Variants in ASXL2 observed in about 807,000 individuals in gnomAD.
ASXL2 encodes the protein ASXL transcriptional regulator 2.
A neutral mutation model predicts 122.0 loss-of-function variants in ASXL2; 23 were observed. The observed-to-expected ratio is 0.19, with a 90% confidence interval of 0.14 to 0.27. The LOEUF is 0.27. ASXL2 is among the 10% of genes least tolerant of loss of function. The pLI is 1.00. For synonymous variants in ASXL2, 650 were observed against 637.0 expected, an observed-to-expected ratio of 1.02 and a Z score of -0.31; for missense variants, 1,518 against 1,713.8, an observed-to-expected ratio of 0.89 and a Z score of 2.02.
chr2:25,745,642 T>A (rs1220406506), intron 12 of ASXL2, among the ~76,000 whole-genome samples: 2 of 19,740 alleles, frequency 1.0e-4, no homozygotes, highest in Non-Finnish European at 2.3e-4. Flanking sequence ...GATTTCCTTC[T>A]TTTTTTTTTT....
At chr2:25,764,854 C>T (rs2088315892) in intron 8 of ASXL2, among the ~76,000 whole-genome samples, 1 of 152,150 alleles carries the variant, frequency 6.6e-6, no homozygotes, top group South Asian at 2.1e-4. Context: ...TCTTAAAAGA[C>T]TGGGAAGTAG....
At chr2:25,783,803 G>A (rs937582782) in intron 5 of ASXL2, among the ~76,000 whole-genome samples, 2 of 150,454 alleles carry the variant, frequency 1.3e-5, no homozygotes, top group Admixed American at 6.6e-5. Flanking sequence ...CGACTGTAAT[G>A]CCAGCACTTT....
At chr2:25,806,596 G>C (rs1374492564) in intron 3 of ASXL2, among the ~76,000 whole-genome samples, 2 of 152,082 alleles carry the variant, frequency 1.3e-5, no homozygotes, top group Non-Finnish European at 2.9e-5. Flanking sequence ...GAAAAATACA[G>C]AAGTATTACA....
chr2:25,742,044 G>A lies in ASXL2; in HGVS notation c.4293C>T (p.Cys1431=). The change falls in exon 13 of 13, where the codon TGC becomes TGT. Residue 1431 remains cysteine, a synonymous_variant. Coordinates refer to ENST00000435504, the MANE Select transcript of ASXL2 (RefSeq NM_018263.6). The part of the protein sequence containing the change: ...CIGPSKLCVS[C]LVVR Reference sequence around the variant, plus strand: ...TCTAGTCTCATTACCGAACGACAAGGCAGGAGACGCACAGTTTGGAGGGGC... The same window carrying A: ...TCTAGTCTCATTACCGAACGACAAGACAGGAGACGCACAGTTTGGAGGGGC... The A allele has an allele frequency of 6.2e-7, 1 of 1,612,748 alleles. No individual in the cohort carries two copies.
chr2:25,793,078 T>C (rs1478574384), intron 5 of ASXL2, among the ~76,000 whole-genome samples: 4 of 151,456 alleles, frequency 2.6e-5, no homozygotes, highest in East Asian at 3.9e-4. Context: ...CATGGAGAAA[T>C]TCTGGCTCTA....
chr2:25,878,389 G>A lies in ASXL2; in HGVS notation c.-167C>T. 3.2e-6 allele frequency: 2 copies of A among 617,738 alleles called. No individual in the cohort carries two copies. Among genetic ancestry groups the A allele is most frequent in the South Asian group, 3.9e-5 (2 of 51,628 alleles). The allele number at this position is 617,738 out of a possible 1,614,324, so 38.3% of individuals were successfully genotyped here. A position where few individuals can be genotyped will look rare whatever the true frequency, so the allele number is the denominator to read the frequency against. On this transcript the variant is annotated 5_prime_UTR_variant, in exon 1 of 13. Coordinates refer to ENST00000435504, the MANE Select transcript of ASXL2 (RefSeq NM_018263.6). The stretch of plus-strand genomic sequence containing the variant: ...AGGAAGCGGCGGGGGTGGTGCGCGG[G>A]GGGGTCTATGGGGCGGCCGGTCCTC...
At position 25,792,875 on chromosome 2, in the gene ASXL2, G is replaced by C. The variant is rs181408675; in HGVS notation, c.403+6510C>G. ...CCCTCCTCGGCTTCCCAAAGTACTG[G>C]GATTACAGGCGTGAGCCACCGCACT... On this transcript the variant is annotated intron_variant, in intron 5 of 12. Coordinates refer to ENST00000435504, the MANE Select transcript of ASXL2 (RefSeq NM_018263.6). Among the ~76,000 whole-genome samples, 508 of 151,828 alleles carry C rather than the reference G, an allele frequency of 3.3e-3. 1 individual carries two copies. Among genetic ancestry groups the C allele is most frequent in the Non-Finnish European group, 6.0e-3 (407 of 67,908 alleles).
chr2:25,859,831 T>C (rs1268559353), intron 1 of ASXL2, among the ~76,000 whole-genome samples: 1 of 152,186 alleles, frequency 6.6e-6, no homozygotes, highest in African/African-American at 2.4e-5. Context: ...CCTAAATATT[T>C]GGAAACTAAA....
intron 1 of ASXL2, among the ~76,000 whole-genome samples, chr2:25,864,554 T>C (rs1030934008): frequency 4.6e-5 from 7 of 152,032 alleles, no homozygotes; most frequent in African/African-American, 1.7e-4. Flanking sequence ...AAATGAACTA[T>C]AAAAGGAAGA....
At chr2:25,779,084 A>ATTTTTTTTTTTT (rs33911748) in intron 5 of ASXL2, among the ~76,000 whole-genome samples, 3 of 99,412 alleles carry the variant, frequency 3.0e-5, no homozygotes, top group African/African-American at 7.8e-5. Context: ...CTTTTTTCTG[A>ATTTTTTTTTTTT]TTTTTTTTTT....
intron 1 of ASXL2, chr2:25,856,616 A>G (rs1387106037): frequency 2.4e-6 from 3 of 1,234,932 alleles, no homozygotes; most frequent in Non-Finnish European, 3.6e-6. Context: ...GCCCCACCAC[A>G]AGGTCAGCAA....
chr2:25,763,041 T>A (rs1299571738), intron 8 of ASXL2, among the ~76,000 whole-genome samples: 2 of 152,046 alleles, frequency 1.3e-5, no homozygotes, highest in African/African-American at 4.8e-5. Flanking sequence ...CATGAAAACA[T>A]CCAATATAAA....
At chr2:25,833,521 C>A (rs2089477175) in intron 3 of ASXL2, among the ~76,000 whole-genome samples, 1 of 151,974 alleles carries the variant, frequency 6.6e-6, no homozygotes, top group East Asian at 1.9e-4. Flanking sequence ...ACAGTGAAAC[C>A]CCATCTCTAT....
chr2:25,810,470 G>A (rs1484100055), intron 3 of ASXL2: 3 of 731,766 alleles, frequency 4.1e-6, no homozygotes, highest in Non-Finnish European at 7.4e-6. Context: ...GCACAGTCCA[G>A]CTCCTCTTCA....
intron 5 of ASXL2, among the ~76,000 whole-genome samples, chr2:25,796,937 T>C (rs964570484): frequency 1.1e-4 from 17 of 152,026 alleles, no homozygotes; most frequent in African/African-American, 3.9e-4. Flanking sequence ...TCACAAAAAA[T>C]TAACTCAAAA....
chr2:25,754,613 T>C (rs1012615631), intron 10 of ASXL2, among the ~76,000 whole-genome samples: 7 of 152,146 alleles, frequency 4.6e-5, no homozygotes, highest in African/African-American at 2.4e-5. Flanking sequence ...ATATACAGTG[T>C]TCCAAGTTGT....
At chr2:25,877,613 T>G (rs1190108256) in intron 1 of ASXL2, among the ~76,000 whole-genome samples, 1 of 152,088 alleles carries the variant, frequency 6.6e-6, no homozygotes, top group Non-Finnish European at 1.5e-5. Flanking sequence ...TCCTGCACTT[T>G]CGGCTCCAAC....
At chr2:25,747,115 TTTAA>T (rs750970022) in intron 12 of ASXL2, among the ~76,000 whole-genome samples, 17 of 152,362 alleles carry the variant, frequency 1.1e-4, no homozygotes, top group Non-Finnish European at 1.9e-4. Flanking sequence ...TACATTTGTA[TTTAA>T]TTTTCTTTTC....
intron 1 of ASXL2, among the ~76,000 whole-genome samples, chr2:25,855,697 CGAGCATGCTGG>C: frequency 6.7e-6 from 1 of 150,050 alleles, no homozygotes; most frequent in Non-Finnish European, 1.5e-5. Context: ...AAAAATTAGC[CGAGCATGCTGG>C]CACACACCTG....
Sources: gnomAD v4.1 joint callset for allele counts (sites outside exome capture counted in the v4.1 genomes callset) on GRCh38, gnomAD v4.1.1 for gene constraint, MANE v1.5 for transcripts, NCBI Gene and HGNC (gene_info 2026-07-23, HGNC 2026-07-21) for gene names.